Variants in NPM1 observed in about 807,000 individuals in gnomAD.
NPM1 encodes nucleophosmin 1.
NPM1 carries 1 observed loss-of-function variant against 44.1 expected under a neutral mutation model. The ratio of observed to expected loss-of-function variants is 0.02; its 90% CI spans 0.01 to 0.11. The LOEUF (loss-of-function observed/expected upper bound fraction) is 0.11. NPM1 is among the 10% of genes least tolerant of loss of function. The pLI is 1.00. For missense variants in NPM1, 197 were observed against 347.8 expected (o/e 0.57, Z 3.45); for synonymous variants, 126 against 111.8 (o/e 1.13, Z -0.80).
At chr5:171,406,515 T>C in intron 9 of NPM1, 2 of 1,562,630 alleles carry the variant, frequency 1.3e-6, no homozygotes, top group Non-Finnish European at 1.7e-6. Context: ...TGAAGTCTTC[T>C]ATTTTAATCT....
intron 10 of NPM1, among the ~76,000 whole-genome samples, chr5:171,409,021 G>C (rs1398676297): frequency 1.3e-5 from 2 of 152,068 alleles, no homozygotes; most frequent in African/African-American, 4.8e-5. Context: ...TTTTGGCCAG[G>C]TTGGTCTTGA....
At chr5:171,393,172 T>C (rs1293864516) in intron 6 of NPM1, among the ~76,000 whole-genome samples, 194 bp downstream of exon 6, 1 of 152,188 alleles carries the variant, frequency 6.6e-6, no homozygotes, top group Non-Finnish European at 1.5e-5. Flanking sequence ...GGATATTGGG[T>C]CTGTGAGCCT....
chr5:171,396,806 C>G (rs1043308437), intron 6 of NPM1, among the ~76,000 whole-genome samples: 2 of 152,282 alleles, frequency 1.3e-5, no homozygotes, highest in Middle Eastern at 3.4e-3. Context: ...TATGGTGAAA[C>G]CCCGTCTCTG....
intron 8 of NPM1, among the ~76,000 whole-genome samples, chr5:171,401,477 C>G (rs1297277313): frequency 6.6e-6 from 1 of 152,164 alleles, no homozygotes; most frequent in Non-Finnish European, 1.5e-5. Flanking sequence ...CACTTTGTCA[C>G]TCAGTCTGGG....
chr5:171,399,597 C>A (rs1475690200), intron 6 of NPM1, among the ~76,000 whole-genome samples: 1 of 152,004 alleles, frequency 6.6e-6, no homozygotes, highest in Non-Finnish European at 1.5e-5. Context: ...GGGGAGTCTT[C>A]TAACGATTGT....
At position 171,392,692 on chromosome 5, in the gene NPM1, TAATA is replaced by T; in HGVS notation, c.353-14_353-11del. ...CTTGCTGCTTGAGTTTTATAATGTC[TAATA>T]AATTGTATTTTAGCTGTGGAGGAAG... On this transcript the variant is annotated splice_polypyrimidine_tract_variant and intron_variant, in intron 4 of 10. Transcript: ENST00000296930. 1 of 1,553,698 alleles carries T rather than the reference TAATA, an allele frequency of 6.4e-7. No individual in the cohort carries two copies. Among genetic ancestry groups the T allele is most frequent in the Middle Eastern group, 1.7e-4 (1 of 5,932 alleles).
chr5:171,389,120 C>G (rs1209410713), intron 1 of NPM1, among the ~76,000 whole-genome samples: 1 of 152,132 alleles, frequency 6.6e-6, no homozygotes, highest in Admixed American at 6.5e-5. Context: ...TAGTCCTGCC[C>G]CAAAAAGGAG....
chr5:171,408,986 A>G (rs1356795131), intron 10 of NPM1, among the ~76,000 whole-genome samples: 1 of 152,194 alleles, frequency 6.6e-6, no homozygotes, highest in Non-Finnish European at 1.5e-5. Flanking sequence ...TTCTACAAGA[A>G]GTATTTTCTT....
chr5:171,388,222 C>T (rs1460360451), intron 1 of NPM1, among the ~76,000 whole-genome samples: 1 of 152,088 alleles, frequency 6.6e-6, no homozygotes, highest in Admixed American at 6.5e-5. Flanking sequence ...GACGAGCGGC[C>T]TGAAGCGTCT....
intron 6 of NPM1, among the ~76,000 whole-genome samples, chr5:171,394,558 T>G (rs1322286663): frequency 6.6e-6 from 1 of 152,138 alleles, no homozygotes; most frequent in Non-Finnish European, 1.5e-5. Context: ...CCTCTCAGAC[T>G]ATGAAGCAGG....
chr5:171,391,445 T>C lies in NPM1; in HGVS notation c.258+21T>C, dbSNP rs150647203. 271 of 1,604,312 alleles carry C rather than the reference T, an allele frequency of 1.7e-4. 2 individuals are homozygous for C. In the African/African-American group the frequency reaches 3.0e-3, roughly 18 times the overall value. ...CAACGGTAAGGGCACTTACATACTT[T>C]GGATGTTGTGTCAAGGTTTAATTCT... On this transcript the variant is annotated intron_variant, in intron 3 of 10. Coordinates refer to ENST00000296930, the MANE Select transcript of NPM1 (RefSeq NM_002520.7).
Position 171,390,036 on chromosome 5 carries a change from TTTC to T in NPM1, c.59-11_59-9del. On this transcript the variant is annotated splice_polypyrimidine_tract_variant and intron_variant, in intron 1 of 10. Transcript: ENST00000296930. ...TTTTTCTCCTTGTTAGAGTTGCTTT[TTTC>T]TTCATTTACAGGTTGTGAACTAAAG... is the stretch of plus-strand genomic sequence containing the variant. The T allele has an allele frequency of 6.5e-7, 1 of 1,539,052 alleles. No homozygotes were observed. Among genetic ancestry groups the T allele is most frequent in the Non-Finnish European group, 8.8e-7 (1 of 1,132,600 alleles).
Position 171,400,224 on chromosome 5 carries a change from A to G in NPM1, c.582+14A>G, listed in dbSNP as rs1246450822. 18 of 1,613,622 alleles carry G rather than the reference A, an allele frequency of 1.1e-5. No individual in the cohort carries two copies. The highest frequency in any genetic ancestry group is 3.3e-5 in the South Asian group (3 of 91,054). On this transcript the variant is annotated intron_variant, in intron 7 of 10. Transcript: ENST00000296930. ...CCAGTGAAGAAAGTGAGTAGATACA[A>G]TGCTACAAGGTTGTTAAACTAACAA...
intron 6 of NPM1, among the ~76,000 whole-genome samples, chr5:171,396,877 G>A (rs1316211696): frequency 6.6e-6 from 1 of 152,178 alleles, no homozygotes; most frequent in Non-Finnish European, 1.5e-5. Context: ...GGAGGCTGAG[G>A]CAGGAGAATT....
In NPM1 at chr5:171,392,929, G is replaced by C. The variant is rs775291597; in HGVS notation, c.475G>C (p.Ala159Pro). 1 of 1,611,188 alleles carries C rather than the reference G, an allele frequency of 6.2e-7. No individual in the cohort carries two copies. The highest frequency in any genetic ancestry group is 2.2e-5 in the East Asian group (1 of 44,844). Reference protein sequence around the residue: ...SKVPQKKVKLAADEDDDDDDE... With the variant: ...SKVPQKKVKLPADEDDDDDDE... ...CTTTTAAAAGAAAAAAGTAAAACTT[G>C]CTGCTGATGAAGATGATGACGATGA... Residue 159 changes from alanine (A) to proline (P), a missense_variant, in exon 6 of 11, where the codon GCT becomes CCT. Transcript: ENST00000296930.
chr5:171,399,943 TC>T (rs1258071167), intron 6 of NPM1, among the ~76,000 whole-genome samples: 2 of 152,244 alleles, frequency 1.3e-5, no homozygotes, highest in Non-Finnish European at 2.9e-5. Context: ...CAAGGTTCAG[TC>T]ATGTAGCATG....
At chr5:171,392,683 T>C in intron 4 of NPM1, 27 bp from the exon 5 acceptor site, 2 of 1,509,522 alleles carry the variant, frequency 1.3e-6, no homozygotes, top group South Asian at 2.4e-5. Flanking sequence ...GCTTGAGTTT[T>C]ATAATGTCTA....
At chr5:171,395,331 C>T (rs1223389655) in intron 6 of NPM1, among the ~76,000 whole-genome samples, 1 of 151,624 alleles carries the variant, frequency 6.6e-6, no homozygotes, top group Non-Finnish European at 1.5e-5. Context: ...GCAAGTCTCG[C>T]TCTTGTGCCC....
intron 6 of NPM1, among the ~76,000 whole-genome samples, chr5:171,395,963 ATTTT>A (rs10709038): frequency 1.4e-5 from 2 of 140,154 alleles, no homozygotes; most frequent in African/African-American, 2.6e-5. Flanking sequence ...GTAAAGCTGA[ATTTT>A]TTTTTTTTTT....
Sources: allele counts gnomAD v4.1 joint callset (sites outside exome capture counted in the v4.1 genomes callset), GRCh38; gene constraint gnomAD v4.1.1; transcripts MANE v1.5; gene names NCBI Gene and HGNC (gene_info 2026-07-23, HGNC 2026-07-21).